Variants in KCNIP4 observed in about 807,000 individuals in gnomAD.
KCNIP4 encodes potassium voltage-gated channel interacting protein 4.
A neutral mutation model predicts 34.0 loss-of-function variants in KCNIP4; 12 were observed. That is an observed-to-expected ratio of 0.35 (90% CI 0.23 to 0.57). KCNIP4 has a LOEUF of 0.57. KCNIP4 is among the 20% of genes least tolerant of loss of function. The probability of loss-of-function intolerance (pLI) is 0.83; values close to 1 mark genes in which losing one functional copy is unlikely to be tolerated. For synonymous variants in KCNIP4, 124 were observed against 102.2 expected, an observed-to-expected ratio of 1.21 and a Z score of -1.29; for missense variants, 238 against 311.7, an observed-to-expected ratio of 0.76 and a Z score of 1.78.
chr4:21,111,526 G>C (rs895570807), intron 1 of KCNIP4, among the ~76,000 whole-genome samples: 10 of 152,150 alleles, frequency 6.6e-5, no homozygotes, highest in African/African-American at 1.9e-4. Flanking sequence ...GAACAGGTAG[G>C]AACAGAAAAA....
chr4:20,736,995 AC>A (rs2149284251), intron 5 of KCNIP4, among the ~76,000 whole-genome samples: 1 of 152,326 alleles, frequency 6.6e-6, no homozygotes, highest in Admixed American at 6.5e-5. Context: ...CTAGATATAA[AC>A]CAGCTGTCTG....
At chr4:21,107,913 T>C (rs1161317994) in intron 1 of KCNIP4, among the ~76,000 whole-genome samples, 3 of 151,482 alleles carry the variant, frequency 2.0e-5, no homozygotes, top group Non-Finnish European at 2.9e-5. Flanking sequence ...CCTTTAAAAA[T>C]GTTGAATATT....
intron 1 of KCNIP4, among the ~76,000 whole-genome samples, chr4:21,710,129 T>A (rs1221723034): frequency 6.6e-6 from 1 of 152,244 alleles, no homozygotes; most frequent in African/African-American, 2.4e-5. Context: ...GAATATTAGA[T>A]GATGTGGAAG....
chr4:21,073,420 G>A (rs1295025818), intron 1 of KCNIP4, among the ~76,000 whole-genome samples: 2 of 152,306 alleles, frequency 1.3e-5, no homozygotes, highest in East Asian at 1.9e-4. Context: ...GTGAATGGAA[G>A]TTCACTCATG....
intron 1 of KCNIP4, among the ~76,000 whole-genome samples, chr4:20,970,628 C>T (rs1191050948): frequency 6.6e-6 from 1 of 152,172 alleles, no homozygotes; most frequent in Non-Finnish European, 1.5e-5. Flanking sequence ...ACCAGGGATG[C>T]TGTCAATCAA....
intron 1 of KCNIP4, among the ~76,000 whole-genome samples, chr4:21,947,331 A>G (rs766655660): frequency 6.6e-6 from 1 of 152,234 alleles, no homozygotes; most frequent in Non-Finnish European, 1.5e-5. Flanking sequence ...ATCTCCAGGC[A>G]TAAGTGAAAA....
chr4:21,784,665 C>T (rs1372226022), intron 1 of KCNIP4, among the ~76,000 whole-genome samples: 1 of 152,042 alleles, frequency 6.6e-6, no homozygotes, highest in Non-Finnish European at 1.5e-5. Flanking sequence ...ACATTTTATC[C>T]TCAAAGATAT....
intron 1 of KCNIP4, among the ~76,000 whole-genome samples, chr4:21,262,274 T>C (rs1303080245): frequency 1.3e-5 from 2 of 152,214 alleles, no homozygotes; most frequent in Non-Finnish European, 2.9e-5. Context: ...ATGCTTTCAA[T>C]ACTCTGCTCA....
chr4:21,534,242 T>C (rs1190326782), intron 1 of KCNIP4, among the ~76,000 whole-genome samples: 1 of 152,194 alleles, frequency 6.6e-6, no homozygotes, highest in African/African-American at 2.4e-5. Flanking sequence ...AAGACAAATA[T>C]ATTGCTTGTG....
rs550861679 is a variant in KCNIP4 at position 21,099,294 on chromosome 4, A to G, written c.62-216585T>C. On this transcript the variant is annotated intron_variant, in intron 1 of 8. Coordinates refer to ENST00000382152, the MANE Select transcript of KCNIP4 (RefSeq NM_025221.6). Reference sequence around the variant, plus strand: ...CATGGAATACTATGCAGCCATAAAAATGAATAAGATCATGCCCTTTGCACG... The same window carrying G: ...CATGGAATACTATGCAGCCATAAAAGTGAATAAGATCATGCCCTTTGCACG... Among the ~76,000 whole-genome samples the G allele has an allele frequency of 3.3e-5, 5 of 152,344 alleles. No individual in the cohort carries two copies. In the South Asian group the frequency reaches 8.3e-4, roughly 25 times the overall value.
At chr4:21,590,670 T>C (rs1193674569) in intron 1 of KCNIP4, among the ~76,000 whole-genome samples, 6 of 152,026 alleles carry the variant, frequency 3.9e-5, no homozygotes, top group African/African-American at 1.4e-4. Flanking sequence ...TTTAATTGTA[T>C]GGTGTATCAT....
chr4:21,289,018 G>T (rs1201201170), intron 1 of KCNIP4, among the ~76,000 whole-genome samples: 3 of 152,094 alleles, frequency 2.0e-5, no homozygotes, highest in African/African-American at 7.2e-5. Context: ...TATTGACTGG[G>T]TTTGGATGAA....
chr4:21,544,002 T>A (rs1217140498), intron 1 of KCNIP4, among the ~76,000 whole-genome samples: 1 of 152,156 alleles, frequency 6.6e-6, no homozygotes, highest in East Asian at 1.9e-4. Flanking sequence ...GTACAAAAAA[T>A]GTTATAATAC....
intron 1 of KCNIP4, among the ~76,000 whole-genome samples, chr4:21,060,508 A>G (rs1743816510): frequency 6.6e-6 from 1 of 152,194 alleles, no homozygotes. Context: ...TTGCAAAGAT[A>G]ATTATTCTTT....
At chr4:20,950,176 G>C (rs994700262) in intron 1 of KCNIP4, among the ~76,000 whole-genome samples, 18 of 147,658 alleles carry the variant, frequency 1.2e-4, no homozygotes, top group African/African-American at 4.5e-4. Flanking sequence ...TGCAGAGAAA[G>C]GAGAATACAT....
chr4:21,378,802 TGTTTA>T (rs1395881859), intron 1 of KCNIP4, among the ~76,000 whole-genome samples: 1 of 152,178 alleles, frequency 6.6e-6, no homozygotes, highest in Non-Finnish European at 1.5e-5. Context: ...TTTCTATTTT[TGTTTA>T]AATTAAAATA....
chr4:21,089,798 C>A (rs552538660), intron 1 of KCNIP4, among the ~76,000 whole-genome samples: 1 of 152,272 alleles, frequency 6.6e-6, no homozygotes, highest in East Asian at 1.9e-4. Context: ...CCCCCAGCTT[C>A]TTTACATTTC....
intron 1 of KCNIP4, among the ~76,000 whole-genome samples, chr4:20,963,222 G>A (rs370625606): frequency 2.6e-5 from 4 of 151,998 alleles, no homozygotes; most frequent in African/African-American, 9.7e-5. Flanking sequence ...AGCTGCTGGG[G>A]AGGGTGAGGC....
At chr4:21,364,805 T>C (rs1402224346) in intron 1 of KCNIP4, among the ~76,000 whole-genome samples, 2 of 152,046 alleles carry the variant, frequency 1.3e-5, no homozygotes, top group African/African-American at 2.4e-5. Context: ...ATAACAAATA[T>C]GGGTGATTTC....
Sources: gnomAD v4.1 joint callset for allele counts (sites outside exome capture counted in the v4.1 genomes callset) on GRCh38, gnomAD v4.1.1 for gene constraint, MANE v1.5 for transcripts, NCBI Gene and HGNC (gene_info 2026-07-23, HGNC 2026-07-21) for gene names.